Variants in MACROD2 observed in about 807,000 individuals in gnomAD.
MACROD2 encodes ADP-ribose glycohydrolase MACROD2.
In MACROD2, 36 loss-of-function variants were observed where a neutral mutation model predicts 70.4. The observed-to-expected ratio is 0.51, with a 90% CI of 0.39 to 0.68. The LOEUF (loss-of-function observed/expected upper bound fraction) is 0.68. Among genes scored for constraint, MACROD2 ranks in the 30% least tolerant of loss-of-function variants. The pLI is 0.00. For missense variants in MACROD2, 496 were observed against 538.4 expected, an observed-to-expected ratio of 0.92 and a Z score of 0.78; for synonymous variants, 172 against 178.8, an observed-to-expected ratio of 0.96 and a Z score of 0.30.
chr20:14,674,811 C>G (rs547561880), intron 4 of MACROD2, among the ~76,000 whole-genome samples: 16 of 152,088 alleles, frequency 1.1e-4, no homozygotes, highest in Non-Finnish European at 2.2e-4. Context: ...TTTAAAGAAC[C>G]CTGTTGTATC....
chr20:15,219,357 A>G (rs1238814758), intron 5 of MACROD2, among the ~76,000 whole-genome samples: 1 of 152,190 alleles, frequency 6.6e-6, no homozygotes, highest in Non-Finnish European at 1.5e-5. Flanking sequence ...TGGGCCCAGC[A>G]ATGTAAGCCA....
chr20:15,445,623 A>G (rs1408832670), intron 7 of MACROD2, among the ~76,000 whole-genome samples: 2 of 152,142 alleles, frequency 1.3e-5, no homozygotes, highest in Non-Finnish European at 2.9e-5. Context: ...AACAGTTGCC[A>G]CTTAGCTTAC....
At chr20:14,658,300 G>C (rs1363371423) in intron 4 of MACROD2, among the ~76,000 whole-genome samples, 5 of 152,192 alleles carry the variant, frequency 3.3e-5, no homozygotes, top group Admixed American at 6.5e-5. Flanking sequence ...GCCATAGCAT[G>C]TGAAGCCCTT....
intron 6 of MACROD2, among the ~76,000 whole-genome samples, chr20:15,305,231 G>T (rs903778071): frequency 2.7e-5 from 4 of 147,700 alleles, no homozygotes; most frequent in South Asian, 4.3e-4. Context: ...CCTTTTATTT[G>T]TTTTTTTTTT....
intron 3 of MACROD2, among the ~76,000 whole-genome samples, chr20:14,256,149 T>C (rs1435244084): frequency 1.3e-5 from 2 of 152,162 alleles, no homozygotes; most frequent in Admixed American, 1.3e-4. Context: ...GTCCGTATTC[T>C]AGTTTTGCTA....
rs996114299 is a variant in MACROD2 at position 15,178,853 on chromosome 20, A to T, written c.419-51087A>T. ...CTCATCTGGGTAAGCATGCTTTTCC[A>T]TGGCTCTCTATGCTTTGTGGTAATG... On this transcript the variant is annotated intron_variant, in intron 5 of 17. Transcript: ENST00000684519. Among the ~76,000 whole-genome samples the T allele has an allele frequency of 3.9e-5, 6 of 152,346 alleles. No homozygotes were observed. The South Asian group carries it at 8.3e-4, about 21-fold the overall frequency.
intron 8 of MACROD2, among the ~76,000 whole-genome samples, chr20:15,668,500 G>A (rs993556510): frequency 5.3e-5 from 8 of 151,346 alleles, no homozygotes; most frequent in South Asian, 2.1e-4. Flanking sequence ...CCTGGGAGGC[G>A]GAGCTTGCAG....
At chr20:15,414,548 C>T (rs181625160) in intron 6 of MACROD2, among the ~76,000 whole-genome samples, 52 of 152,206 alleles carry the variant, frequency 3.4e-4, no homozygotes, top group Non-Finnish European at 6.0e-4. Flanking sequence ...AACAGAAGGA[C>T]GCATGTGCTT....
intron 3 of MACROD2, chr20:14,128,022 CA>C: frequency 1.8e-6 from 1 of 553,968 alleles, no homozygotes. Context: ...TGAACAGATG[CA>C]AAATCAGATG....
intron 5 of MACROD2, among the ~76,000 whole-genome samples, chr20:15,027,425 G>A (rs1329507476): frequency 4.6e-5 from 7 of 152,130 alleles, no homozygotes; most frequent in Non-Finnish European, 1.5e-5. Flanking sequence ...CGATATGAGT[G>A]TGTGGTCTGG....
At position 15,951,351 on chromosome 20, in the gene MACROD2, A is replaced by ACG. The variant is rs71192308; in HGVS notation, c.907+13807_907+13808insCG. Among the ~76,000 whole-genome samples, 69 of 149,178 alleles carry ACG rather than the reference A, an allele frequency of 4.6e-4. No homozygotes were observed. In the East Asian group the frequency reaches 0.013, roughly 29 times the overall value. Reference sequence around the variant, plus strand: ...CACACACACACACACACACACACACAAAGAGAGAGAGAGAGAGAAAGAGCA... The same window carrying ACG: ...CACACACACACACACACACACACACACGAAGAGAGAGAGAGAGAGAAAGAGCA... On this transcript the variant is annotated intron_variant, in intron 12 of 17. Coordinates refer to ENST00000684519, the MANE Select transcript of MACROD2 (RefSeq NM_001351661.2).
chr20:14,812,809 T>C (rs969895849), intron 5 of MACROD2, among the ~76,000 whole-genome samples: 3 of 152,062 alleles, frequency 2.0e-5, no homozygotes, highest in Non-Finnish European at 4.4e-5. Flanking sequence ...ATTCACTTCA[T>C]TTCTGATGCT....
At chr20:14,896,121 C>G (rs2073825874) in intron 5 of MACROD2, among the ~76,000 whole-genome samples, 1 of 152,000 alleles carries the variant, frequency 6.6e-6, no homozygotes, top group South Asian at 2.1e-4. Context: ...ATGGTGAAAC[C>G]CCATTTCTAC....
chr20:15,723,254 C>T (rs903416193), intron 8 of MACROD2, among the ~76,000 whole-genome samples: 1 of 152,218 alleles, frequency 6.6e-6, no homozygotes, highest in Admixed American at 6.5e-5. Context: ...AACACTGATA[C>T]ATTTGTTACA....
intron 8 of MACROD2, among the ~76,000 whole-genome samples, chr20:15,759,145 CAAAAAAAA>C (rs57212358): frequency 1.7e-5 from 1 of 58,926 alleles, no homozygotes; most frequent in Non-Finnish European, 3.1e-5. Flanking sequence ...GACTCCATCT[CAAAAAAAA>C]AAAAAAAAAA....
intron 11 of MACROD2, among the ~76,000 whole-genome samples, chr20:15,934,618 C>G (rs1309066478): frequency 6.6e-6 from 1 of 152,178 alleles, no homozygotes; most frequent in African/African-American, 2.4e-5. Flanking sequence ...CATTCTGTGA[C>G]TGTTGAGGTT....
intron 5 of MACROD2, among the ~76,000 whole-genome samples, chr20:14,889,771 G>A (rs1356658357): frequency 3.9e-5 from 6 of 152,272 alleles, no homozygotes; most frequent in Non-Finnish European, 8.8e-5. Context: ...AGACATCTGG[G>A]TTTAATTCGA....
intron 5 of MACROD2, among the ~76,000 whole-genome samples, chr20:15,080,935 A>C (rs902456046): frequency 3.9e-5 from 6 of 151,932 alleles, no homozygotes; most frequent in African/African-American, 1.5e-4. Flanking sequence ...TATTCTCCAC[A>C]TCCACTCCAC....
At chr20:15,513,731 C>A (rs948011076) in intron 8 of MACROD2, among the ~76,000 whole-genome samples, 16 of 152,152 alleles carry the variant, frequency 1.1e-4, no homozygotes, top group African/African-American at 3.9e-4. Context: ...TAAAAGTAAG[C>A]TTTTTGGCCT....
Sources: gnomAD v4.1 joint callset for allele counts (sites outside exome capture counted in the v4.1 genomes callset) on GRCh38, gnomAD v4.1.1 for gene constraint, MANE v1.5 for transcripts, NCBI Gene and HGNC (gene_info 2026-07-23, HGNC 2026-07-21) for gene names.